PTX3: variants seen among roughly 807,000 people sequenced by gnomAD.
PTX3 encodes the protein pentraxin-related protein PTX3.
PTX3 carries 24 observed loss-of-function variants against 23.5 expected under a neutral mutation model. The ratio of observed to expected loss-of-function variants is 1.02; its 90% CI spans 0.74 to 1.43. The LOEUF is 1.43. PTX3 is among the 40% of genes most tolerant of loss of function. PTX3 has a pLI of 0.00. For missense variants in PTX3, 510 were observed against 497.5 expected, an observed-to-expected ratio of 1.02 and a Z score of -0.24; for synonymous variants, 218 against 205.4, an observed-to-expected ratio of 1.06 and a Z score of -0.53.
intron 2 of PTX3, among the ~76,000 whole-genome samples, chr3:157,440,603 C>A (rs1031942538): frequency 6.6e-6 from 1 of 151,940 alleles, no homozygotes; most frequent in Non-Finnish European, 1.5e-5. Flanking sequence ...TATATATACA[C>A]ACACATTTAT....
Position 157,443,166 on chromosome 3 carries a change from AG to A in PTX3, c.*188del. On this transcript the variant is annotated 3_prime_UTR_variant, in exon 3 of 3. Coordinates refer to ENST00000295927, the MANE Select transcript of PTX3 (RefSeq NM_002852.4). ...CAGTTGAAGGAAAGACATTGGAAAA[AG>A]CTTTTGAGGATAATGTTACTAGACT... 1 of 665,242 alleles carries A rather than the reference AG, an allele frequency of 1.5e-6. No individual in the cohort carries two copies. Among genetic ancestry groups the A allele is most frequent in the Admixed American group, 3.3e-5 (1 of 30,350 alleles). The allele number at this position is 665,242 out of a possible 1,614,324, so 41.2% of individuals were successfully genotyped here.
At chr3:157,441,271 T>C (rs76843073) in intron 2 of PTX3, among the ~76,000 whole-genome samples, 1,879 of 152,326 alleles carry the variant, frequency 0.012, 33 homozygotes, top group African/African-American at 0.042. Context: ...GCTTATCAGC[T>C]ATGTAAACAT....
chr3:157,436,922 G>A lies in PTX3; in HGVS notation c.-12G>A, dbSNP rs1211460208. The A allele has an allele frequency of 3.1e-6, 5 of 1,610,740 alleles. No individual in the cohort carries two copies. Among genetic ancestry groups the A allele is most frequent in the Non-Finnish European group, 4.2e-6 (5 of 1,178,134 alleles). On this transcript the variant is annotated 5_prime_UTR_variant, in exon 1 of 3. Transcript: ENST00000295927. ...CCGCCAGCTGTGGAAAGAACTTTGC[G>A]TCTCTCCAGCAATGCATCTCCTTGC...
intron 2 of PTX3, among the ~76,000 whole-genome samples, 200 bp downstream of exon 2, chr3:157,438,114 T>C (rs1291012567): frequency 6.7e-6 from 1 of 149,592 alleles, no homozygotes; most frequent in African/African-American, 2.4e-5. Flanking sequence ...AGGCACACCA[T>C]ACAAGGCGGG....
intron 2 of PTX3, among the ~76,000 whole-genome samples, chr3:157,441,524 T>C (rs1413349284): frequency 2.0e-5 from 3 of 152,196 alleles, no homozygotes; most frequent in Non-Finnish European, 1.5e-5. Context: ...AAATGTATTC[T>C]GCAGGCCAGG....
rs760317971 is a variant in PTX3, at chr3:157,442,371, G to A, written c.538G>A (p.Glu180Lys). The change falls in exon 3 of 3, where the codon GAA (glutamate) becomes AAA (lysine). Residue 180 changes from glutamate (E) to lysine (K), a missense_variant. Coordinates refer to ENST00000295927, the MANE Select transcript of PTX3 (RefSeq NM_002852.4). ...TTATTTTCTTGCTACTCTAGGTTGT[G>A]AAACAGCTATTTTATTCCCAATGCG... ...AARSWLPAGC[E>K]TAILFPMRSK... 2 of 1,605,264 alleles carry A rather than the reference G, an allele frequency of 1.2e-6. No individual in the cohort carries two copies. The highest frequency in any genetic ancestry group is 1.1e-5 in the South Asian group (1 of 90,926).
At chr3:157,442,184 C>CT (rs980635619) in intron 2 of PTX3, among the ~76,000 whole-genome samples, 182 bp from the exon 3 acceptor site, 13 of 152,074 alleles carry the variant, frequency 8.5e-5, no homozygotes, top group African/African-American at 3.1e-4. Context: ...ATTGGCTTTC[C>CT]TTTTTCTCAT....
At chr3:157,438,776 A>C (rs1472313405) in intron 2 of PTX3, among the ~76,000 whole-genome samples, 3 of 152,218 alleles carry the variant, frequency 2.0e-5, no homozygotes, top group Non-Finnish European at 2.9e-5. Context: ...TAAAAGAAAG[A>C]AATAGAAGAT....
In PTX3 at chr3:157,440,228, T is replaced by C. The variant is rs141010066; in HGVS notation, c.533-2138T>C. Among the ~76,000 whole-genome samples, 400 of 152,324 alleles carry C rather than the reference T, an allele frequency of 2.6e-3. 1 individual carries two copies. The highest frequency in any genetic ancestry group is 5.9e-3 in the Admixed American group (91 of 15,302). ...AAAAATCTTCAAAAGTTCAAATTAT[T>C]TAGTGAAAAAGTATCAAAGCATGAC... On this transcript the variant is annotated intron_variant, in intron 2 of 2. Coordinates refer to ENST00000295927, the MANE Select transcript of PTX3 (RefSeq NM_002852.4).
rs145236315 is a variant in PTX3, at chr3:157,441,832, T to C, written c.533-534T>C. Among the ~76,000 whole-genome samples the C allele has an allele frequency of 2.5e-3, 375 of 151,868 alleles. 1 individual carries two copies. Among genetic ancestry groups the C allele is most frequent in the African/African-American group, 8.6e-3 (355 of 41,408 alleles). ...CTCAAAAAAAAAAAAAAATGTATTC[T>C]GCAATAACATCACTATCCTAGAATT... On this transcript the variant is annotated intron_variant, in intron 2 of 2. Coordinates refer to ENST00000295927, the MANE Select transcript of PTX3 (RefSeq NM_002852.4).
At position 157,442,505 on chromosome 3, in the gene PTX3, G is replaced by A. The variant is rs2109241000; in HGVS notation, c.672G>A (p.Leu224=). The A allele has an allele frequency of 6.2e-7, 1 of 1,614,142 alleles. No individual in the cohort carries two copies. Among genetic ancestry groups the A allele is most frequent in the Middle Eastern group, 1.6e-4 (1 of 6,062 alleles). Residue 224 remains leucine (L), a synonymous_variant, in exon 3 of 3, where the codon CTG becomes CTA. Transcript: ENST00000295927. The part of the protein sequence containing the change: ...KATDVLNKTI[L]FSYGTKRNPY... ...CAGATGTATTAAACAAAACCATCCT[G>A]TTTTCCTATGGCACAAAGAGGAATC...
In PTX3 at chr3:157,443,516, G is replaced by A. The variant is rs73158510; in HGVS notation, c.*537G>A. On this transcript the variant is annotated 3_prime_UTR_variant, in exon 3 of 3. Coordinates refer to ENST00000295927, the MANE Select transcript of PTX3 (RefSeq NM_002852.4). ...AGAAGATAGTCATATAAGTTATATT[G>A]CAAAAGGGATTTGTATTAATTTAAG... is the stretch of plus-strand genomic sequence containing the variant. 8,301 of 152,756 alleles carry A rather than the reference G, an allele frequency of 0.054. 312 individuals carry two copies. The highest frequency in any genetic ancestry group is 0.12 in the East Asian group (621 of 5,172). 9.5% of individuals were successfully genotyped at this position (152,756 alleles called of 1,614,324 possible).
At position 157,437,507 on chromosome 3, in the gene PTX3, C is replaced by A; in HGVS notation, c.131-6C>A. On this transcript the variant is annotated splice_polypyrimidine_tract_variant and splice_region_variant and intron_variant, in intron 1 of 2. Transcript: ENST00000295927. ...GCTGCTAACGTGTGTGTATCCCGTA[C>A]TCTAGCCACGCCGTGCGCCTGCGGT... 1 of 1,601,858 alleles carries A rather than the reference C, an allele frequency of 6.2e-7. No individual in the cohort carries two copies. Among genetic ancestry groups the A allele is most frequent in the Non-Finnish European group, 8.5e-7 (1 of 1,175,938 alleles).
chr3:157,439,897 C>T (rs928263288), intron 2 of PTX3, among the ~76,000 whole-genome samples: 2 of 152,150 alleles, frequency 1.3e-5, no homozygotes, highest in Non-Finnish European at 2.9e-5. Context: ...ACTACAGGTG[C>T]TCGCCACCTT....
chr3:157,437,644 C>G lies in PTX3; in HGVS notation c.262C>G (p.Leu88Val), dbSNP rs1032434009. 6.5e-7 allele frequency: 1 copy of G among 1,549,314 alleles called. No individual in the cohort carries two copies. Among genetic ancestry groups the G allele is most frequent in the Admixed American group, 1.9e-5 (1 of 51,398 alleles). Residue 88 changes from leucine (L) to valine (V), a missense_variant, in exon 2 of 3, where the codon CTG becomes GTG. Physicochemically the swap from Leu to Val is conservative, Grantham distance 32. Coordinates refer to ENST00000295927, the MANE Select transcript of PTX3 (RefSeq NM_002852.4). ...DDVLRGELQRLREELGRLAES... is the reference protein window; with the variant it reads ...DDVLRGELQRVREELGRLAES... ...CGTCCTGCGGGGCGAGCTGCAGAGG[C>G]TGCGGGAGGAGCTGGGCCGGCTCGC...
At position 157,438,035 on chromosome 3, in the gene PTX3, G is replaced by GCA. The variant is rs1294089889; in HGVS notation, c.532+122_532+123insAC. 951 of 700,940 alleles carry GCA rather than the reference G, an allele frequency of 1.4e-3. 3 individuals carry two copies. In the East Asian group the frequency reaches 0.02, roughly 15 times the overall value. The allele number at this position is 700,940 out of a possible 1,614,324, so 43.4% of individuals were successfully genotyped here. On this transcript the variant is annotated intron_variant, in intron 2 of 2. Coordinates refer to ENST00000295927, the MANE Select transcript of PTX3 (RefSeq NM_002852.4). ...TTTCATGGGAAGCGCGCGCGCGCGC[G>GCA]CGCACACACACACACACACACACAC...
chr3:157,442,756 T>C lies in PTX3; in HGVS notation c.923T>C (p.Leu308Pro). ...CACATTGTTCCTGAGGGAGGAATCC[T>C]GCAGATTGGCCAAGAAAAGAATGGC... Reference protein sequence around the residue: ...TGHIVPEGGILQIGQEKNGCC... With the variant: ...TGHIVPEGGIPQIGQEKNGCC... Residue 308 changes from leucine (L) to proline (P), a missense_variant, in exon 3 of 3, where the codon CTG becomes CCG. Leu to Pro is a moderately conservative substitution (Grantham distance 98, BLOSUM62 -3). Coordinates refer to ENST00000295927, the MANE Select transcript of PTX3 (RefSeq NM_002852.4). The C allele has an allele frequency of 3.7e-6, 6 of 1,614,244 alleles. No individual in the cohort carries two copies. The highest frequency in any genetic ancestry group is 5.1e-6 in the Non-Finnish European group (6 of 1,180,034).
At position 157,443,116 on chromosome 3, in the gene PTX3, T is replaced by G. The variant is rs925076973; in HGVS notation, c.*137T>G. The stretch of plus-strand genomic sequence containing the variant: ...AGAGAGAGTTGAGACCAATCTTTAT[T>G]TGTACTGGCCAAATACTGAATAAAC... On this transcript the variant is annotated 3_prime_UTR_variant, in exon 3 of 3. Transcript: ENST00000295927. 9.8e-7 allele frequency: 1 copy of G among 1,023,874 alleles called. No individual in the cohort carries two copies. The highest frequency in any genetic ancestry group is 1.4e-6 in the Non-Finnish European group (1 of 717,848). The allele number at this position is 1,023,874 out of a possible 1,614,324, so 63.4% of individuals were successfully genotyped here.
rs777316894 is a variant in PTX3, at chr3:157,437,839, C to T, written c.457C>T (p.Leu153=). The change falls in exon 2 of 3, where the codon CTA becomes TTA. Residue 153 remains leucine, a synonymous_variant. Transcript: ENST00000295927. The part of the protein sequence containing the change: ...EEAGRALAAV[L]EELRQTRADL... ...GGCGGGGCGCGCCCTGGCCGCGGTGCTAGAGGAGCTGCGGCAGACGCGAGC... is the reference window on the plus strand; with the variant it reads ...GGCGGGGCGCGCCCTGGCCGCGGTGTTAGAGGAGCTGCGGCAGACGCGAGC... 1.4e-5 allele frequency: 21 copies of T among 1,495,578 alleles called. No individual in the cohort carries two copies. In the South Asian group the frequency reaches 2.5e-4, roughly 18 times the overall value. 92.6% of individuals were successfully genotyped at this position (1,495,578 alleles called of 1,614,324 possible).
Sources: gnomAD v4.1 joint callset for allele counts (sites outside exome capture counted in the v4.1 genomes callset) on GRCh38, gnomAD v4.1.1 for gene constraint, MANE v1.5 for transcripts, NCBI Gene and HGNC (gene_info 2026-07-23, HGNC 2026-07-21) for gene names.